MRPL48: variants seen among roughly 807,000 people sequenced by gnomAD.
MRPL48 encodes the protein mitochondrial ribosomal protein L48.
MRPL48 carries 16 observed loss-of-function variants against 32.9 expected under a neutral mutation model. The observed-to-expected ratio is 0.49, with a 90% CI of 0.33 to 0.74. The LOEUF is 0.74. Ranked by LOEUF, MRPL48 falls within the 30% of genes least tolerant of loss-of-function variation. MRPL48 has a pLI of 0.02. For missense variants in MRPL48, 206 were observed against 245.3 expected (o/e 0.84, Z 1.07); for synonymous variants, 94 against 89.2 (o/e 1.05, Z -0.31).
chr11:73,844,706 C>T, intron 4 of MRPL48, 101 bp from the exon 5 acceptor site: 1 of 1,368,436 alleles, frequency 7.3e-7, no homozygotes, highest in Non-Finnish European at 9.8e-7. Context: ...AAAATGTGAA[C>T]AAATTTATTA....
chr11:73,860,051 G>C (rs761577405), intron 6 of MRPL48, 42 bp downstream of exon 6: 21 of 1,514,364 alleles, frequency 1.4e-5, no homozygotes, highest in Non-Finnish European at 1.8e-5. Context: ...TGCTTCTCCT[G>C]GTTCTTTTCT....
intron 1 of MRPL48, 46 bp downstream of exon 1, chr11:73,788,038 G>C: frequency 2.1e-6 from 3 of 1,462,040 alleles, no homozygotes; most frequent in South Asian, 2.5e-5. Context: ...ATGGCGGACG[G>C]TGCAGAGAGG....
intron 5 of MRPL48, among the ~76,000 whole-genome samples, chr11:73,854,926 T>G (rs551733199): frequency 2.9e-4 from 44 of 152,292 alleles, no homozygotes; most frequent in Non-Finnish European, 4.7e-4. Context: ...ATTCTTACTG[T>G]ATGACATTGG....
chr11:73,796,872 C>A (rs546783141), intron 1 of MRPL48, among the ~76,000 whole-genome samples: 1 of 152,260 alleles, frequency 6.6e-6, no homozygotes, highest in South Asian at 2.1e-4. Flanking sequence ...TGAGACCAAC[C>A]TGGCCAACAT....
chr11:73,793,525 C>G (rs954081889), intron 1 of MRPL48, among the ~76,000 whole-genome samples: 1 of 152,108 alleles, frequency 6.6e-6, no homozygotes, highest in African/African-American at 2.4e-5. Flanking sequence ...CGTTGCATGA[C>G]TACTAAGATT....
chr11:73,809,277 G>T (rs1947524797), intron 3 of MRPL48, among the ~76,000 whole-genome samples: 1 of 152,098 alleles, frequency 6.6e-6, no homozygotes, highest in African/African-American at 2.4e-5. Flanking sequence ...GGAGGCCGAG[G>T]AGGGCGGATC....
At position 73,843,563 on chromosome 11, in the gene MRPL48, T is replaced by C. The variant is rs549032041; in HGVS notation, c.202-1244T>C. 1.1e-3 allele frequency among the ~76,000 whole-genome samples: 169 copies of C among 152,306 alleles called. 1 individual carries two copies. The highest frequency in any genetic ancestry group is 3.8e-3 in the African/African-American group (156 of 41,568). On this transcript the variant is annotated intron_variant, in intron 4 of 7. Coordinates refer to ENST00000310614, the MANE Select transcript of MRPL48 (RefSeq NM_016055.6). Reference sequence around the variant, plus strand: ...TTACAGCAGCCTACACAAGTTGATATGTAGTGAAGCAATATTTTGTATGAC... The same window carrying C: ...TTACAGCAGCCTACACAAGTTGATACGTAGTGAAGCAATATTTTGTATGAC...
chr11:73,802,674 G>C (rs1285297359), intron 1 of MRPL48, among the ~76,000 whole-genome samples: 1 of 151,774 alleles, frequency 6.6e-6, no homozygotes, highest in Non-Finnish European at 1.5e-5. Context: ...ATTCAGCACA[G>C]CAGTTGGCAT....
At chr11:73,829,208 GT>G (rs1025833405) in intron 4 of MRPL48, among the ~76,000 whole-genome samples, 3 of 152,058 alleles carry the variant, frequency 2.0e-5, no homozygotes, top group African/African-American at 7.2e-5. Context: ...AAGCTGTTCT[GT>G]CTACTTGGAA....
intron 1 of MRPL48, among the ~76,000 whole-genome samples, chr11:73,791,877 T>A (rs1947160677): frequency 6.6e-6 from 1 of 152,192 alleles, no homozygotes; most frequent in Non-Finnish European, 1.5e-5. Context: ...CTTAATTCAG[T>A]GCTCCTTCCT....
intron 3 of MRPL48, among the ~76,000 whole-genome samples, chr11:73,818,251 C>G (rs7130191): frequency 6.6e-6 from 1 of 152,028 alleles, no homozygotes; most frequent in Non-Finnish European, 1.5e-5. Context: ...CTGCTCTATC[C>G]AAGGAGGGGC....
intron 5 of MRPL48, among the ~76,000 whole-genome samples, chr11:73,854,490 T>C (rs1317062717): frequency 6.6e-6 from 1 of 152,144 alleles, no homozygotes; most frequent in Non-Finnish European, 1.5e-5. Context: ...TTTCACTATG[T>C]TGGCCAGACT....
intron 1 of MRPL48, among the ~76,000 whole-genome samples, chr11:73,797,161 C>T (rs999756401): frequency 3.9e-5 from 6 of 152,102 alleles, no homozygotes; most frequent in African/African-American, 1.4e-4. Flanking sequence ...GACTTCTCTG[C>T]TGAGAGCTGG....
At chr11:73,841,330 G>T (rs1030332849) in intron 4 of MRPL48, among the ~76,000 whole-genome samples, 5 of 152,158 alleles carry the variant, frequency 3.3e-5, no homozygotes, top group African/African-American at 7.2e-5. Context: ...TTCACTAAAA[G>T]ATACATACTA....
At chr11:73,803,536 T>C (rs534524176) in intron 1 of MRPL48, among the ~76,000 whole-genome samples, 1 of 152,280 alleles carries the variant, frequency 6.6e-6, no homozygotes, top group African/African-American at 2.4e-5. Flanking sequence ...CCTTTTTCTG[T>C]TGCAGATCCC....
At chr11:73,793,986 C>A (rs967471148) in intron 1 of MRPL48, among the ~76,000 whole-genome samples, 1 of 150,882 alleles carries the variant, frequency 6.6e-6, no homozygotes, top group East Asian at 2.0e-4. Flanking sequence ...GGATTACAGA[C>A]GTGAGCCACC....
At chr11:73,845,941 G>C (rs12363875) in intron 5 of MRPL48, among the ~76,000 whole-genome samples, 1 of 151,624 alleles carries the variant, frequency 6.6e-6, no homozygotes, top group East Asian at 1.9e-4. Flanking sequence ...AGTGGTGCAC[G>C]CCTGTAGTCC....
chr11:73,794,194 A>G (rs899087732), intron 1 of MRPL48, among the ~76,000 whole-genome samples: 1 of 150,204 alleles, frequency 6.7e-6, no homozygotes, highest in South Asian at 2.1e-4. Context: ...GTATCTATCT[A>G]TCTATCTATC....
chr11:73,838,873 G>A (rs772861348), intron 4 of MRPL48, among the ~76,000 whole-genome samples: 2 of 152,088 alleles, frequency 1.3e-5, no homozygotes, highest in South Asian at 4.1e-4. Flanking sequence ...TGATTCTGGG[G>A]AACACATTTA....
Sources: gnomAD v4.1 joint callset for allele counts (sites outside exome capture counted in the v4.1 genomes callset) on GRCh38, gnomAD v4.1.1 for gene constraint, MANE v1.5 for transcripts, NCBI Gene and HGNC (gene_info 2026-07-23, HGNC 2026-07-21) for gene names.